TMCC3: variants seen among roughly 807,000 people sequenced by gnomAD.
TMCC3 encodes transmembrane and coiled-coil domain protein 3.
In TMCC3, 28 loss-of-function variants were observed where a neutral mutation model predicts 40.2. That is an observed-to-expected ratio of 0.70 (90% CI 0.52 to 0.95). The LOEUF is 0.95. Ranked by LOEUF, TMCC3 falls within the 40% of genes least tolerant of loss-of-function variation. TMCC3 has a pLI of 0.00. For synonymous variants in TMCC3, 255 were observed against 248.5 expected, an observed-to-expected ratio of 1.03 and a Z score of -0.25; for missense variants, 554 against 615.2, an observed-to-expected ratio of 0.90 and a Z score of 1.05.
intron 1 of TMCC3, among the ~76,000 whole-genome samples, chr12:94,594,470 A>G (rs542265072): frequency 1.3e-5 from 2 of 152,294 alleles, no homozygotes; most frequent in East Asian, 3.9e-4. Context: ...GAAGGAGAGA[A>G]GGGGTGAGCA....
chr12:94,641,437 C>T (rs184030990), intron 1 of TMCC3, among the ~76,000 whole-genome samples: 34 of 152,190 alleles, frequency 2.2e-4, no homozygotes, highest in Non-Finnish European at 4.6e-4. Flanking sequence ...TTTTACTCCC[C>T]GGCTGGGCTC....
At chr12:94,592,661 C>CAAAAAAAAAAAAAAAAAAAAAAAAA (rs869058316) in intron 1 of TMCC3, among the ~76,000 whole-genome samples, 508 of 27,428 alleles carry the variant, frequency 0.019, 97 homozygotes, top group Non-Finnish European at 0.026. Context: ...GGCTCCATCT[C>CAAAAAAAAAAAAAAAAAAAAAAAAA]AAAAAAAAAA....
At chr12:94,630,867 T>C (rs1308620532) in intron 1 of TMCC3, among the ~76,000 whole-genome samples, 6 of 152,108 alleles carry the variant, frequency 3.9e-5, no homozygotes, top group African/African-American at 1.2e-4. Flanking sequence ...TTGCTGGGAT[T>C]ACAGGCACCC....
rs143019275 is a variant in TMCC3 at position 94,572,060 on chromosome 12, T to A, written c.1132-323A>T. 3.1e-3 allele frequency among the ~76,000 whole-genome samples: 467 copies of A among 151,548 alleles called. 3 individuals are homozygous for A. The highest frequency in any genetic ancestry group is 0.014 in the Middle Eastern group (4 of 288). Reference sequence around the variant, plus strand: ...CTGTCGCCAGGCTGGAGTGCAGTGGTGCGATCTCAGCTCACTGCAACCTCC... The same window carrying A: ...CTGTCGCCAGGCTGGAGTGCAGTGGAGCGATCTCAGCTCACTGCAACCTCC... On this transcript the variant is annotated intron_variant, in intron 3 of 3. Coordinates refer to ENST00000261226, the MANE Select transcript of TMCC3 (RefSeq NM_020698.4).
At chr12:94,628,553 C>CT (rs1256498658) in intron 1 of TMCC3, among the ~76,000 whole-genome samples, 4 of 152,160 alleles carry the variant, frequency 2.6e-5, no homozygotes, top group Non-Finnish European at 5.9e-5. Context: ...CAGGAGTGAG[C>CT]TATTCTAAGC....
chr12:94,580,275 TAAGTTATAAGCACCTAAAAGCCAG>T (rs1293555846), intron 2 of TMCC3, among the ~76,000 whole-genome samples: 1 of 152,212 alleles, frequency 6.6e-6, no homozygotes, highest in Admixed American at 6.5e-5. Context: ...TTTGTGTTAA[TAAGTTATAAGCACCTAAAAGCCAG>T]CCTACAAAAC....
chr12:94,589,045 A>ACT (rs2068655575), intron 1 of TMCC3, among the ~76,000 whole-genome samples: 1 of 151,034 alleles, frequency 6.6e-6, no homozygotes, highest in Non-Finnish European at 1.5e-5. Flanking sequence ...CTGGTCTCAA[A>ACT]CTCCTGACCT....
chr12:94,607,154 G>C (rs1325571281), intron 1 of TMCC3, among the ~76,000 whole-genome samples: 2 of 152,286 alleles, frequency 1.3e-5, no homozygotes, highest in African/African-American at 4.8e-5. Flanking sequence ...TAGGCTCTCT[G>C]CAAGAAGAAA....
At chr12:94,581,573 AT>A (rs773295496) in intron 2 of TMCC3, 48 bp downstream of exon 2, 19 of 1,177,950 alleles carry the variant, frequency 1.6e-5, no homozygotes, top group African/African-American at 1.1e-4. Flanking sequence ...AAATAAAAAA[AT>A]AAATAAATAA....
intron 1 of TMCC3, among the ~76,000 whole-genome samples, chr12:94,644,989 C>T (rs2069010271): frequency 6.6e-6 from 1 of 152,192 alleles, no homozygotes; most frequent in Admixed American, 6.5e-5. Context: ...GAGATTTCTG[C>T]ATGTATTATC....
chr12:94,608,125 A>G (rs1322774753), intron 1 of TMCC3, among the ~76,000 whole-genome samples: 2 of 152,242 alleles, frequency 1.3e-5, no homozygotes, highest in Non-Finnish European at 2.9e-5. Flanking sequence ...AAAGAGTTCA[A>G]TAATATCTAA....
chr12:94,615,980 T>C, intron 1 of TMCC3: 1 of 985,450 alleles, frequency 1.0e-6, no homozygotes, highest in African/African-American at 1.7e-5. Flanking sequence ...CTCACCCTCC[T>C]GCCCGAGGCA....
chr12:94,594,711 C>CAAGCCTGGGAGCAGAGAAAAGAGGA (rs1566321291), intron 1 of TMCC3, among the ~76,000 whole-genome samples: 3 of 151,968 alleles, frequency 2.0e-5, no homozygotes, highest in African/African-American at 7.3e-5. Flanking sequence ...AGAAAAGAGG[C>CAAGCCTGGGAGCAGAGAAAAGAGGA]CAAGCCTGGG....
chr12:94,624,219 C>G (rs1434236091), intron 1 of TMCC3, among the ~76,000 whole-genome samples: 1 of 152,200 alleles, frequency 6.6e-6, no homozygotes, highest in African/African-American at 2.4e-5. Context: ...GGAAAACACT[C>G]TGGCAGTTCC....
At chr12:94,584,723 G>A (rs1029959214) in intron 1 of TMCC3, among the ~76,000 whole-genome samples, 1 of 151,912 alleles carries the variant, frequency 6.6e-6, no homozygotes, top group African/African-American at 2.4e-5. Context: ...ATGAAGGAGA[G>A]ACACTGGTTG....
At chr12:94,613,600 A>G (rs1238228809) in intron 1 of TMCC3, among the ~76,000 whole-genome samples, 1 of 152,136 alleles carries the variant, frequency 6.6e-6, no homozygotes, top group Non-Finnish European at 1.5e-5. Context: ...AAAGAGAAAA[A>G]TCTTGAGAAT....
intron 3 of TMCC3, among the ~76,000 whole-genome samples, chr12:94,577,855 A>G (rs1454794876): frequency 6.6e-6 from 1 of 152,044 alleles, no homozygotes; most frequent in African/African-American, 2.4e-5. Context: ...TATAAAGAAT[A>G]TTGTCTCTTA....
intron 1 of TMCC3, chr12:94,598,764 T>C (rs1224261709): frequency 1.0e-6 from 1 of 985,268 alleles, no homozygotes; most frequent in East Asian, 1.1e-4. Context: ...CAGAGAACAG[T>C]CCTCCTCTAA....
intron 3 of TMCC3, among the ~76,000 whole-genome samples, chr12:94,574,768 C>G (rs2068554065): frequency 6.6e-6 from 1 of 152,168 alleles, no homozygotes; most frequent in African/African-American, 2.4e-5. Context: ...CTACTTGGGT[C>G]CAAGGTTTCC....
Sources: gnomAD v4.1 joint callset for allele counts (sites outside exome capture counted in the v4.1 genomes callset) on GRCh38, gnomAD v4.1.1 for gene constraint, MANE v1.5 for transcripts, NCBI Gene and HGNC (gene_info 2026-07-23, HGNC 2026-07-21) for gene names.